The following CHODL variants were observed in gnomAD, a reference collection of about 807,000 sequenced individuals.
CHODL encodes the protein chondrolectin.
In CHODL, 29 loss-of-function variants were observed where a neutral mutation model predicts 34.5. That is an observed-to-expected ratio of 0.84 (90% CI 0.63 to 1.15). The LOEUF is 1.15. Among genes scored for constraint, CHODL ranks in the 50% most tolerant of loss-of-function variants. CHODL has a pLI of 0.00. For missense variants in CHODL, 332 were observed against 332.5 expected (o/e 1.00, Z 0.01); for synonymous variants, 125 against 116.1 (o/e 1.08, Z -0.49).
intron 2 of CHODL, among the ~76,000 whole-genome samples, chr21:18,222,534 G>A (rs952010130): frequency 3.0e-4 from 46 of 152,238 alleles, no homozygotes; most frequent in African/African-American, 1.0e-3. Flanking sequence ...GAGCTGAGGG[G>A]CTTTTTTTGT....
chr21:18,246,120 G>A (rs950643380), intron 1 of CHODL, among the ~76,000 whole-genome samples: 1 of 151,972 alleles, frequency 6.6e-6, no homozygotes, highest in African/African-American at 2.4e-5. Flanking sequence ...TTACTTTTTG[G>A]GACGGTCTCT....
chr21:18,070,036 AC>A (rs1360966218), intron 2 of CHODL, among the ~76,000 whole-genome samples: 3 of 30,962 alleles, frequency 9.7e-5, no homozygotes, highest in African/African-American at 3.1e-4. Context: ...CCCCCCCCCC[AC>A]CCATTTCCTT....
rs568416962 is a variant in CHODL, at chr21:18,164,658, A to G, written c.-44-91851A>G. Among the ~76,000 whole-genome samples the G allele has an allele frequency of 1.4e-3, 203 of 149,124 alleles. 1 individual carries two copies. The highest frequency in any genetic ancestry group is 4.8e-3 in the African/African-American group (194 of 40,534). ...ACGAGAAATATCCTAATGATTCTCA[A>G]GTTTGTGTCATTAGCCCTGGTCATT... On this transcript the variant is annotated intron_variant, in intron 2 of 6. Transcript: ENST00000400127.
chr21:18,192,524 T>TA (rs2073523078), intron 2 of CHODL, among the ~76,000 whole-genome samples: 1 of 152,200 alleles, frequency 6.6e-6, no homozygotes, highest in Non-Finnish European at 1.5e-5. Context: ...CAATACTTGT[T>TA]ACGGTTATAT....
At chr21:17,982,070 G>T (rs1463224140) in intron 1 of CHODL, among the ~76,000 whole-genome samples, 1 of 152,160 alleles carries the variant, frequency 6.6e-6, no homozygotes, top group Non-Finnish European at 1.5e-5. Flanking sequence ...ACTGTTTTTA[G>T]AAAGACTTTC....
At chr21:18,246,667 A>G (rs1051434541) in intron 1 of CHODL, among the ~76,000 whole-genome samples, 2 of 152,210 alleles carry the variant, frequency 1.3e-5, no homozygotes, top group South Asian at 2.1e-4. Flanking sequence ...CATGCAACTG[A>G]ATGAAAAGCA....
At position 17,917,876 on chromosome 21, in the gene CHODL, C is replaced by CGT. The variant is rs138828872; in HGVS notation, c.-145+489_-145+490dup. ...TCTTCTGTTGTCTCTCTCTGATATG[C>CGT]GTGTGTGTGTGTGTATGTGTGTGTG... is the stretch of plus-strand genomic sequence containing the variant. On this transcript the variant is annotated intron_variant, in intron 1 of 6. Transcript: ENST00000400127. Among the ~76,000 whole-genome samples, 1,019 of 150,804 alleles carry CGT rather than the reference C, an allele frequency of 6.8e-3. 4 individuals are homozygous for CGT. The highest frequency in any genetic ancestry group is 8.0e-3 in the Non-Finnish European group (541 of 67,590).
At chr21:18,263,406 G>A (rs73206961) in intron 5 of CHODL, among the ~76,000 whole-genome samples, 7,843 of 152,036 alleles carry the variant, frequency 0.052, 280 homozygotes, top group Non-Finnish European at 0.075. Flanking sequence ...AAAATACAGC[G>A]GTTCAAACAG....
chr21:18,265,192 TACAC>T (rs142155198), intron 5 of CHODL, among the ~76,000 whole-genome samples: 3,720 of 146,636 alleles, frequency 0.025, 153 homozygotes, highest in African/African-American at 0.09. Flanking sequence ...TATATATATA[TACAC>T]ACACACACAC....
intron 2 of CHODL, among the ~76,000 whole-genome samples, chr21:18,176,388 T>A (rs949153171): frequency 6.6e-5 from 10 of 152,208 alleles, no homozygotes; most frequent in African/African-American, 2.4e-4. Context: ...TAAGATTTCA[T>A]GTTCATTGTG....
chr21:18,117,165 G>A (rs948722245), intron 2 of CHODL, among the ~76,000 whole-genome samples: 202 of 152,310 alleles, frequency 1.3e-3, no homozygotes, highest in Non-Finnish European at 2.0e-3. Flanking sequence ...TGTCATAATA[G>A]TAGAAGCTTT....
At chr21:18,115,184 T>C (rs569545612) in intron 2 of CHODL, among the ~76,000 whole-genome samples, 2 of 152,276 alleles carry the variant, frequency 1.3e-5, no homozygotes, top group East Asian at 3.9e-4. Context: ...AATTGCAAGA[T>C]TGTGGGAAAC....
chr21:18,248,838 ATATG>A (rs2074189645), intron 1 of CHODL, among the ~76,000 whole-genome samples: 1 of 120,272 alleles, frequency 8.3e-6, no homozygotes, highest in African/African-American at 3.3e-5. Context: ...TGTATATTGT[ATATG>A]TATGTATATA....
At chr21:18,081,545 G>C (rs898601558) in intron 2 of CHODL, among the ~76,000 whole-genome samples, 1 of 152,072 alleles carries the variant, frequency 6.6e-6, no homozygotes, top group Non-Finnish European at 1.5e-5. Context: ...GCCAGGCATG[G>C]TGATGCGTGC....
At chr21:18,221,373 C>A (rs1368816987) in intron 2 of CHODL, among the ~76,000 whole-genome samples, 5 of 152,092 alleles carry the variant, frequency 3.3e-5, no homozygotes, top group Admixed American at 3.3e-4. Flanking sequence ...CCTTCTCAGG[C>A]ATTTTATGGA....
intron 2 of CHODL, among the ~76,000 whole-genome samples, chr21:18,204,505 C>T (rs1266842206): frequency 6.6e-6 from 1 of 152,068 alleles, no homozygotes; most frequent in Non-Finnish European, 1.5e-5. Context: ...ATACCATAGA[C>T]CTATAACCTT....
intron 2 of CHODL, among the ~76,000 whole-genome samples, chr21:18,105,248 A>G (rs1315169519): frequency 2.6e-5 from 4 of 152,148 alleles, no homozygotes; most frequent in African/African-American, 9.7e-5. Context: ...GTGCAAGAGT[A>G]GGGGGTGAGG....
At chr21:17,931,023 G>A (rs2063268260) in intron 1 of CHODL, among the ~76,000 whole-genome samples, 1 of 152,204 alleles carries the variant, frequency 6.6e-6, no homozygotes, top group Non-Finnish European at 1.5e-5. Flanking sequence ...TGGCACAAGG[G>A]TGTGATACAG....
At chr21:18,093,987 C>T (rs2065107004) in intron 2 of CHODL, among the ~76,000 whole-genome samples, 1 of 151,952 alleles carries the variant, frequency 6.6e-6, no homozygotes, top group African/African-American at 2.4e-5. Context: ...ACACACTTCA[C>T]CTATAAAGAT....
Sources: gnomAD v4.1 joint callset for allele counts (sites outside exome capture counted in the v4.1 genomes callset) on GRCh38, gnomAD v4.1.1 for gene constraint, MANE v1.5 for transcripts, NCBI Gene and HGNC (gene_info 2026-07-23, HGNC 2026-07-21) for gene names.